TRPC7: variants seen among roughly 807,000 people sequenced by gnomAD.
TRPC7 encodes the protein short transient receptor potential channel 7.
TRPC7 carries 42 observed loss-of-function variants against 90.1 expected under a neutral mutation model. The ratio of observed to expected loss-of-function variants is 0.47; its 90% confidence interval spans 0.36 to 0.60. The LOEUF is 0.60. TRPC7 is among the 20% of genes least tolerant of loss of function. The probability of loss-of-function intolerance (pLI) is 0.00; values close to 1 mark genes in which losing one functional copy is unlikely to be tolerated. For missense variants in TRPC7, 955 were observed against 1,112.3 expected (o/e 0.86, Z 2.01); for synonymous variants, 451 against 436.3 (o/e 1.03, Z -0.42).
chr5:136,256,602 C>T (rs1237631016), intron 5 of TRPC7, among the ~76,000 whole-genome samples: 1 of 150,452 alleles, frequency 6.6e-6, no homozygotes. Flanking sequence ...CACTGCAGTT[C>T]TGCAGATCCT....
At chr5:136,295,144 G>C (rs961299354) in intron 3 of TRPC7, among the ~76,000 whole-genome samples, 5 of 152,042 alleles carry the variant, frequency 3.3e-5, no homozygotes, top group Non-Finnish European at 7.3e-5. Flanking sequence ...GTTGTGGGGT[G>C]GGGGGAGTGG....
At chr5:136,267,938 A>G (rs1360282635) in intron 4 of TRPC7, among the ~76,000 whole-genome samples, 1 of 152,190 alleles carries the variant, frequency 6.6e-6, no homozygotes, top group African/African-American at 2.4e-5. Context: ...ACTTACAAAA[A>G]TAGGGACTGT....
rs559959968 is a variant in TRPC7, at chr5:136,245,102, G to A, written c.1844+2369C>T. On this transcript the variant is annotated intron_variant, in intron 7 of 11. Transcript: ENST00000513104. Reference sequence around the variant, plus strand: ...TCTTAGTATTCTCATTTTGGAGCTGGGGAAATTGAGGCCCAAGGGATTTAA... The same window carrying A: ...TCTTAGTATTCTCATTTTGGAGCTGAGGAAATTGAGGCCCAAGGGATTTAA... 2.0e-5 allele frequency among the ~76,000 whole-genome samples: 3 copies of A among 152,256 alleles called. No individual in the cohort carries two copies. In the South Asian group the frequency reaches 6.2e-4, roughly 32 times the overall value.
At chr5:136,252,569 C>G (rs1756557575) in intron 5 of TRPC7, among the ~76,000 whole-genome samples, 1 of 125,192 alleles carries the variant, frequency 8.0e-6, no homozygotes, top group Non-Finnish European at 1.6e-5. Flanking sequence ...GCCAGCAGCC[C>G]TTTTGGCACC....
chr5:136,327,397 G>A (rs1468450682), intron 2 of TRPC7, among the ~76,000 whole-genome samples: 1 of 152,140 alleles, frequency 6.6e-6, no homozygotes, highest in Non-Finnish European at 1.5e-5. Context: ...TGAAGATTGG[G>A]GGCAAAACCA....
chr5:136,241,829 T>A (rs901330739), intron 7 of TRPC7, among the ~76,000 whole-genome samples: 4 of 152,180 alleles, frequency 2.6e-5, no homozygotes, highest in African/African-American at 9.6e-5. Context: ...CTGCTGGGAT[T>A]ATAGGTGTGA....
At chr5:136,328,082 C>A (rs2149845058) in intron 2 of TRPC7, among the ~76,000 whole-genome samples, 2 of 152,318 alleles carry the variant, frequency 1.3e-5, no homozygotes, top group Middle Eastern at 6.8e-3. Flanking sequence ...TAAACTCATG[C>A]TCCAAAGGAT....
rs759103610 is a variant in TRPC7, at chr5:136,315,770, T to C, written c.790A>G (p.Arg264Gly). The change falls in exon 3 of 12, where the codon AGG becomes GGG. Residue 264 changes from arginine to glycine, a missense_variant. Around this residue, in one of 4 missense-constraint regions of TRPC7, gnomAD observed 484 missense variants for 509.6 expected, o/e 0.95. Coordinates refer to ENST00000513104, the MANE Select transcript of TRPC7 (RefSeq NM_020389.3). ...TCCTTGCATTGCATAGATAACTTCC[T>C]GTAATCGTTCTAACAGAATAGAGAG... Reference protein sequence around the residue: ...NIETEFKNDYRKLSMQCKDFV... With the variant: ...NIETEFKNDYGKLSMQCKDFV... 7.4e-6 allele frequency: 12 copies of C among 1,613,510 alleles called. No individual in the cohort carries two copies. The highest frequency in any genetic ancestry group is 1.3e-5 in the African/African-American group (1 of 74,928).
At chr5:136,302,356 T>G (rs1758430031) in intron 3 of TRPC7, among the ~76,000 whole-genome samples, 1 of 152,288 alleles carries the variant, frequency 6.6e-6, no homozygotes, top group Non-Finnish European at 1.5e-5. Flanking sequence ...AAGTCCCGCT[T>G]TTCTGGGGGA....
chr5:136,365,354 C>G lies in TRPC7; in HGVS notation c.-100G>C. 1 of 1,252,280 alleles carries G rather than the reference C, an allele frequency of 8.0e-7. No homozygotes were observed. The highest frequency in any genetic ancestry group is 1.1e-6 in the Non-Finnish European group (1 of 887,574). 77.6% of individuals were successfully genotyped at this position (1,252,280 alleles called of 1,614,324 possible). On this transcript the variant is annotated 5_prime_UTR_variant, in exon 1 of 12. Coordinates refer to ENST00000513104, the MANE Select transcript of TRPC7 (RefSeq NM_020389.3). Reference sequence around the variant, plus strand: ...CCCATGGGTGGTAGCCAAGGATGTACCGCTCTCCGTGGTGCTGAAGTATAG... The same window carrying G: ...CCCATGGGTGGTAGCCAAGGATGTAGCGCTCTCCGTGGTGCTGAAGTATAG...
At chr5:136,295,068 G>C (rs1758114450) in intron 3 of TRPC7, among the ~76,000 whole-genome samples, 1 of 151,484 alleles carries the variant, frequency 6.6e-6, no homozygotes, top group African/African-American at 2.4e-5. Flanking sequence ...TGTTCTTACT[G>C]ATAGGTGGGA....
In TRPC7 at chr5:136,247,958, T is replaced by A. The variant is rs1001520295; in HGVS notation, c.1580-223A>T. Among the ~76,000 whole-genome samples, 3 of 152,192 alleles carry A rather than the reference T, an allele frequency of 2.0e-5. No homozygotes were observed. Among genetic ancestry groups the A allele is most frequent in the African/African-American group, 7.2e-5 (3 of 41,448 alleles). ...ACTTCGAAGTATGATTCATTCCTAA[T>A]CCTCCTCTAAGACTCTGCTCAGGCA... On this transcript the variant is annotated intron_variant, in intron 6 of 11. Coordinates refer to ENST00000513104, the MANE Select transcript of TRPC7 (RefSeq NM_020389.3). The surrounding 1 kb of genome is among the most constrained non-coding windows in gnomAD (Gnocchi z 4.2).
intron 5 of TRPC7, among the ~76,000 whole-genome samples, chr5:136,265,505 G>A (rs186589001): frequency 9.9e-5 from 15 of 151,772 alleles, no homozygotes; most frequent in Admixed American, 7.9e-4. Flanking sequence ...TTTCAGTGTC[G>A]GAAAAATCTA....
intron 2 of TRPC7, among the ~76,000 whole-genome samples, chr5:136,339,838 T>A (rs1044991990): frequency 7.5e-5 from 8 of 106,568 alleles, no homozygotes; most frequent in Admixed American, 6.6e-4. Flanking sequence ...CTCTCTCTAC[T>A]GCAACAACAA....
At chr5:136,248,202 G>A (rs575756687) in intron 6 of TRPC7, among the ~76,000 whole-genome samples, 1 of 152,356 alleles carries the variant, frequency 6.6e-6, no homozygotes, top group South Asian at 2.1e-4. Context: ...AGATGGGCAA[G>A]AGCATGGACT....
intron 8 of TRPC7, chr5:136,226,579 A>C (rs1010712371): frequency 8.7e-6 from 3 of 345,676 alleles, no homozygotes; most frequent in African/African-American, 6.3e-5. Flanking sequence ...ACTGCCACTT[A>C]ATATTGTTAT....
chr5:136,299,300 CAAAA>C (rs202095828), intron 3 of TRPC7, among the ~76,000 whole-genome samples: 3 of 105,024 alleles, frequency 2.9e-5, no homozygotes, highest in Non-Finnish European at 4.0e-5. Flanking sequence ...AATTCTGTCT[CAAAA>C]AAAAAAAAAA....
At chr5:136,224,721 C>A (rs1319491929) in intron 10 of TRPC7, among the ~76,000 whole-genome samples, 1 of 152,128 alleles carries the variant, frequency 6.6e-6, no homozygotes, top group Non-Finnish European at 1.5e-5. Context: ...TCATCATCTC[C>A]CCTCCTGGGC....
At chr5:136,319,428 A>C (rs1244922527) in intron 2 of TRPC7, among the ~76,000 whole-genome samples, 1 of 151,882 alleles carries the variant, frequency 6.6e-6, no homozygotes, top group Non-Finnish European at 1.5e-5. Context: ...CCCTTTCCCT[A>C]CTTGCTCATC....
Sources: gnomAD v4.1 joint callset for allele counts (sites outside exome capture counted in the v4.1 genomes callset) on GRCh38, gnomAD v4.1.1 for gene constraint, gnomAD v4.1.1 regional missense constraint, Gnocchi (gnomAD v3.1) non-coding constraint, MANE v1.5 for transcripts, NCBI Gene and HGNC (gene_info 2026-07-23, HGNC 2026-07-21) for gene names.